Variants in SENP6 observed in about 807,000 individuals in gnomAD.
SENP6 encodes SUMO specific peptidase 6, also known as sentrin-specific protease 6.
A neutral mutation model predicts 134.5 loss-of-function variants in SENP6; 41 were observed. The observed-to-expected ratio is 0.30, with a 90% CI of 0.24 to 0.40. The LOEUF is 0.40. SENP6 is among the 10% of genes least tolerant of loss of function. SENP6 has a pLI of 1.00. For synonymous variants in SENP6, 395 were observed against 429.8 expected, an observed-to-expected ratio of 0.92 and a Z score of 1.00; for missense variants, 1,248 against 1,312.5, an observed-to-expected ratio of 0.95 and a Z score of 0.76.
chr6:75,649,935 A>G (rs951137662), intron 7 of SENP6, among the ~76,000 whole-genome samples: 1 of 152,232 alleles, frequency 6.6e-6, no homozygotes, highest in African/African-American at 2.4e-5. Flanking sequence ...ATCCTCGTAC[A>G]CTTAGCAAAA....
At chr6:75,638,435 TAAA>T (rs1328202065) in intron 5 of SENP6, among the ~76,000 whole-genome samples, 1 of 149,936 alleles carries the variant, frequency 6.7e-6, no homozygotes, top group Non-Finnish European at 1.5e-5. Context: ...CAGGACTTGA[TAAA>T]AACACATATT....
intron 18 of SENP6, among the ~76,000 whole-genome samples, chr6:75,701,814 T>TTA (rs1298972181): frequency 1.3e-5 from 2 of 151,894 alleles, no homozygotes; most frequent in Non-Finnish European, 2.9e-5. Context: ...TAATTTTCTG[T>TTA]ATTTTAGTAG....
intron 16 of SENP6, among the ~76,000 whole-genome samples, chr6:75,689,925 CTT>C (rs1238541798): frequency 6.6e-6 from 1 of 152,216 alleles, no homozygotes; most frequent in South Asian, 2.1e-4. Flanking sequence ...AAAGCAGCGT[CTT>C]TTTGTTTTGA....
chr6:75,660,584 C>G (rs1300209334), intron 8 of SENP6, among the ~76,000 whole-genome samples: 4 of 152,026 alleles, frequency 2.6e-5, no homozygotes. Context: ...TCATGACATT[C>G]ACTTCTCTGC....
At chr6:75,709,670 CT>C (rs1775636991) in intron 20 of SENP6, 40 bp downstream of exon 20, 1 of 1,484,118 alleles carries the variant, frequency 6.7e-7, no homozygotes, top group Non-Finnish European at 9.4e-7. Flanking sequence ...AATGTTTTAT[CT>C]AATTAAAAGT....
At chr6:75,699,845 C>G (rs1204837951) in intron 18 of SENP6, among the ~76,000 whole-genome samples, 1 of 151,972 alleles carries the variant, frequency 6.6e-6, no homozygotes, top group African/African-American at 2.4e-5. Context: ...TAGTAATTTC[C>G]AGAAACACAA....
At chr6:75,709,826 A>G (rs1454223360) in intron 20 of SENP6, among the ~76,000 whole-genome samples, 196 bp downstream of exon 20, 1 of 152,132 alleles carries the variant, frequency 6.6e-6, no homozygotes, top group Non-Finnish European at 1.5e-5. Flanking sequence ...GAAAAAAGGA[A>G]AAAGAAAAAG....
Position 75,713,742 on chromosome 6 carries a change from G to A in SENP6, c.3046G>A (p.Gly1016Ser). The A allele has an allele frequency of 1.9e-6, 3 of 1,613,160 alleles. No individual in the cohort carries two copies. Among genetic ancestry groups the A allele is most frequent in the Non-Finnish European group, 2.5e-6 (3 of 1,179,398 alleles). ...KRSFSKDVMK[G>S]SNPKVPQQNN... ...AAGTTTTTCCAAAGATGTTATGAAG[G>A]GCTCTAATCCAAAAGTACCACAGCA... is the stretch of plus-strand genomic sequence containing the variant. The change falls in exon 23 of 24, where the codon GGC (glycine) becomes AGC (serine). Residue 1016 changes from glycine to serine, a missense_variant. Physicochemically the swap from Gly to Ser is moderately conservative, Grantham distance 56. Coordinates refer to ENST00000447266, the MANE Select transcript of SENP6 (RefSeq NM_015571.4).
chr6:75,702,503 C>A, intron 18 of SENP6, 142 bp from the exon 19 acceptor site: 1 of 757,284 alleles, frequency 1.3e-6, no homozygotes, highest in Non-Finnish European at 2.0e-6. Context: ...CTGGCGTGAG[C>A]TACTGCGCCC....
intron 17 of SENP6, among the ~76,000 whole-genome samples, chr6:75,697,223 T>C (rs1774719852): frequency 6.6e-6 from 1 of 152,224 alleles, no homozygotes; most frequent in Admixed American, 6.5e-5. Flanking sequence ...GTAAAATATC[T>C]TTCTCCAAAT....
chr6:75,663,848 A>G (rs1423158718), intron 9 of SENP6, among the ~76,000 whole-genome samples: 1 of 151,242 alleles, frequency 6.6e-6, no homozygotes, highest in Non-Finnish European at 1.5e-5. Flanking sequence ...AAAATAACAT[A>G]AAGTATGCAT....
Position 75,621,608 on chromosome 6 carries a change from A to C in SENP6, c.129A>C (p.Glu43Asp). The C allele has an allele frequency of 6.2e-7, 1 of 1,604,666 alleles. No individual in the cohort carries two copies. The highest frequency in any genetic ancestry group is 1.3e-5 in the African/African-American group (1 of 74,828). Residue 43 changes from glutamate (E) to aspartate (D), a missense_variant, in exon 2 of 24, where the codon GAA becomes GAC. Coordinates refer to ENST00000447266, the MANE Select transcript of SENP6 (RefSeq NM_015571.4). ...NWSFDHEEESEGDTDKDGTNL... is the reference protein window; with the variant it reads ...NWSFDHEEESDGDTDKDGTNL... Reference sequence around the variant, plus strand: ...GCTTTGATCATGAAGAAGAAAGTGAAGGAGATACAGATAAAGAGTAAGGAT... The same window carrying C: ...GCTTTGATCATGAAGAAGAAAGTGACGGAGATACAGATAAAGAGTAAGGAT...
At chr6:75,693,296 T>G (rs1465194817) in intron 16 of SENP6, among the ~76,000 whole-genome samples, 1 of 151,106 alleles carries the variant, frequency 6.6e-6, no homozygotes, top group Non-Finnish European at 1.5e-5. Flanking sequence ...TCCTAGCTAC[T>G]CAGGAGGCTG....
intron 6 of SENP6, among the ~76,000 whole-genome samples, chr6:75,641,748 C>T (rs928560697): frequency 2.6e-5 from 4 of 151,992 alleles, no homozygotes; most frequent in Admixed American, 1.3e-4. Flanking sequence ...GAGGGCAAAG[C>T]GGGAGTATCT....
chr6:75,684,955 A>G, intron 16 of SENP6, among the ~76,000 whole-genome samples: 1 of 152,200 alleles, frequency 6.6e-6, no homozygotes, highest in Non-Finnish European at 1.5e-5. Flanking sequence ...GTTGATTGAA[A>G]TAGTTTCAGA....
Position 75,677,175 on chromosome 6 carries a change from T to C in SENP6, c.1767T>C (p.Asn589=). 1 of 1,612,824 alleles carries C rather than the reference T, an allele frequency of 6.2e-7. No individual in the cohort carries two copies. Among genetic ancestry groups the C allele is most frequent in the South Asian group, 1.1e-5 (1 of 90,852 alleles). The change falls in exon 14 of 24, where the codon AAT becomes AAC. Residue 589 remains asparagine, a synonymous_variant. Transcript: ENST00000447266. ...CGAAAATTCCCTTTGAAGAAGCTAATGGCAGACTTGTTGCCTGTACAAGAA... is the reference window on the plus strand; with the variant it reads ...CGAAAATTCCCTTTGAAGAAGCTAACGGCAGACTTGTTGCCTGTACAAGAA... ...FFAKIPFEEA[N]GRLVACTRTY... is the part of the protein sequence containing the mutation.
chr6:75,686,512 C>T (rs1228171606), intron 16 of SENP6, among the ~76,000 whole-genome samples: 2 of 152,204 alleles, frequency 1.3e-5, no homozygotes, highest in East Asian at 3.9e-4. Flanking sequence ...ACAATTTGGC[C>T]TGTTTTTGCA....
intron 18 of SENP6, 40 bp downstream of exon 18, chr6:75,697,557 T>C: frequency 1.4e-6 from 2 of 1,391,322 alleles, no homozygotes; most frequent in Non-Finnish European, 2.0e-6. Flanking sequence ...CTTTAAATCA[T>C]GTAAATGATG....
chr6:75,636,279 CAAAG>C (rs1769505933), intron 5 of SENP6, among the ~76,000 whole-genome samples: 1 of 152,060 alleles, frequency 6.6e-6, no homozygotes, highest in East Asian at 1.9e-4. Context: ...TTAGGGGCAG[CAAAG>C]AAAACTGTAT....
Sources: gnomAD v4.1 joint callset for allele counts (sites outside exome capture counted in the v4.1 genomes callset) on GRCh38, gnomAD v4.1.1 for gene constraint, MANE v1.5 for transcripts, NCBI Gene and HGNC (gene_info 2026-07-23, HGNC 2026-07-21) for gene names.